GPR39: variants seen among roughly 807,000 people sequenced by gnomAD.
The protein encoded by GPR39 is G protein-coupled receptor 39.
GPR39 carries 23 observed loss-of-function variants against 18.4 expected under a neutral mutation model. The observed-to-expected ratio is 1.25, with a 90% CI of 0.90 to 1.77. The LOEUF (loss-of-function observed/expected upper bound fraction) is 1.77. GPR39 is among the 40% of genes most tolerant of loss of function. The probability of loss-of-function intolerance (pLI) is 0.00; values close to 1 mark genes in which losing one functional copy is unlikely to be tolerated. For synonymous variants in GPR39, 280 were observed against 257.9 expected, an observed-to-expected ratio of 1.09 and a Z score of -0.82; for missense variants, 647 against 602.4, an observed-to-expected ratio of 1.07 and a Z score of -0.78.
At chr2:132,501,030 G>T (rs557329858) in intron 1 of GPR39, among the ~76,000 whole-genome samples, 55 of 133,300 alleles carry the variant, frequency 4.1e-4, no homozygotes, top group African/African-American at 1.5e-3. Context: ...AAAGAACCAA[G>T]TTTTTGTTTC....
At position 132,645,605 on chromosome 2, in the gene GPR39, G is replaced by A. The variant is rs768929088; in HGVS notation, c.1361G>A (p.Ter454=). The change falls in exon 2 of 2, where the codon TGA becomes TAA. Residue 454 remains the stop codon, a stop_retained_variant. Coordinates refer to ENST00000329321, the MANE Select transcript of GPR39 (RefSeq NM_001508.3). ...AENGFQEHEV[*] ...AATGGTTTTCAGGAGCATGAAGTTT[G>A]AATGTCAAGCGAGGGAGCCTTGAGT... 8.7e-6 allele frequency: 14 copies of A among 1,609,174 alleles called. No homozygotes were observed. Among genetic ancestry groups the A allele is most frequent in the South Asian group, 5.5e-5 (5 of 90,540 alleles).
rs772076718 is a variant in GPR39, at chr2:132,646,321, G to T, written c.*715G>T. On this transcript the variant is annotated 3_prime_UTR_variant, in exon 2 of 2. Coordinates refer to ENST00000329321, the MANE Select transcript of GPR39 (RefSeq NM_001508.3). ...AAAGGAGCTGAGTTAACGTGCACCG[G>T]CAAAAGAATAGCTGTCCCTCTCAGC... The T allele has an allele frequency of 7.5e-7, 1 of 1,339,052 alleles. No individual in the cohort carries two copies. Among genetic ancestry groups the T allele is most frequent in the South Asian group, 1.9e-5 (1 of 53,586 alleles). 82.9% of individuals were successfully genotyped at this position (1,339,052 alleles called of 1,614,324 possible). A position where few individuals can be genotyped will look rare whatever the true frequency, so the allele number is the denominator to read the frequency against.
intron 1 of GPR39, among the ~76,000 whole-genome samples, chr2:132,509,446 A>C (rs1011182656): frequency 3.3e-4 from 16 of 48,700 alleles, no homozygotes; most frequent in Admixed American, 1.1e-3. Flanking sequence ...ACACTCACAC[A>C]CACAGACACT....
At chr2:132,427,229 A>G (rs1228557453) in intron 1 of GPR39, among the ~76,000 whole-genome samples, 1 of 145,328 alleles carries the variant, frequency 6.9e-6, no homozygotes, top group Non-Finnish European at 1.5e-5. Context: ...CAGTGGCACA[A>G]TCTCAGCTCA....
intron 1 of GPR39, among the ~76,000 whole-genome samples, chr2:132,424,013 A>G (rs889221655): frequency 3.9e-5 from 6 of 152,178 alleles, no homozygotes; most frequent in South Asian, 2.1e-4. Flanking sequence ...CAAAGATGCT[A>G]TCTTTGAAAG....
intron 1 of GPR39, among the ~76,000 whole-genome samples, chr2:132,626,974 C>G (rs552628234): frequency 1.2e-3 from 181 of 152,308 alleles, no homozygotes; most frequent in African/African-American, 4.1e-3. Context: ...TATGTCTTTG[C>G]CTTCCTGTGC....
At chr2:132,450,749 A>G (rs1197897024) in intron 1 of GPR39, among the ~76,000 whole-genome samples, 2 of 152,220 alleles carry the variant, frequency 1.3e-5, no homozygotes, top group African/African-American at 2.4e-5. Flanking sequence ...CTGCCAGCCA[A>G]CTGAGCTAAC....
At chr2:132,576,006 A>G (rs977875530) in intron 1 of GPR39, among the ~76,000 whole-genome samples, 1 of 152,154 alleles carries the variant, frequency 6.6e-6, no homozygotes, top group African/African-American at 2.4e-5. Context: ...ACTAGACACC[A>G]AATCTCTTGG....
chr2:132,559,193 A>G (rs547480402), intron 1 of GPR39, among the ~76,000 whole-genome samples: 171 of 152,342 alleles, frequency 1.1e-3, no homozygotes, highest in African/African-American at 4.0e-3. Context: ...ACTTAGGAAA[A>G]GAACTGACCG....
At chr2:132,506,975 T>A (rs1022079475) in intron 1 of GPR39, among the ~76,000 whole-genome samples, 4 of 152,088 alleles carry the variant, frequency 2.6e-5, no homozygotes, top group Non-Finnish European at 5.9e-5. Flanking sequence ...CTTTAATCTA[T>A]CTTGAGTTGA....
In GPR39 at chr2:132,560,401, C is replaced by T. The variant is rs182767872; in HGVS notation, c.857-84700C>T. ...TGAACCTGGGTCCCCTTCCACTGCT[C>T]TCCAGTCTCTCCCCATCCTCACACC... On this transcript the variant is annotated intron_variant, in intron 1 of 1. Coordinates refer to ENST00000329321, the MANE Select transcript of GPR39 (RefSeq NM_001508.3). Among the ~76,000 whole-genome samples, 315 of 152,300 alleles carry T rather than the reference C, an allele frequency of 2.1e-3. 1 individual carries two copies. The highest frequency in any genetic ancestry group is 3.7e-3 in the Non-Finnish European group (250 of 68,026).
intron 1 of GPR39, among the ~76,000 whole-genome samples, chr2:132,588,766 G>A (rs1472902186): frequency 6.6e-6 from 1 of 152,186 alleles, no homozygotes; most frequent in African/African-American, 2.4e-5. Flanking sequence ...ACTATCACAT[G>A]CTATTCATAG....
At chr2:132,494,595 CTGTTTTA>C (rs1681602851) in intron 1 of GPR39, among the ~76,000 whole-genome samples, 1 of 152,136 alleles carries the variant, frequency 6.6e-6, no homozygotes, top group African/African-American at 2.4e-5. Flanking sequence ...ACACTATGCC[CTGTTTTA>C]TGTTTCCCTC....
intron 1 of GPR39, among the ~76,000 whole-genome samples, chr2:132,501,961 G>A (rs759863623): frequency 5.3e-5 from 8 of 152,112 alleles, no homozygotes; most frequent in Non-Finnish European, 1.0e-4. Flanking sequence ...TTAAGTTGAT[G>A]TGAGTACTTA....
intron 1 of GPR39, among the ~76,000 whole-genome samples, chr2:132,431,983 A>C (rs10200766): frequency 0.21 from 32,569 of 152,000 alleles, 3,643 homozygotes; most frequent in African/African-American, 0.26. Context: ...CACTCTTTCA[A>C]CCTTCCAGTT....
chr2:132,606,133 A>G (rs1486830754), intron 1 of GPR39: 1 of 152,274 alleles, frequency 6.6e-6, no homozygotes, highest in Non-Finnish European at 1.5e-5. Flanking sequence ...AAGGACCTGC[A>G]AAATCATGAT....
At chr2:132,567,681 A>G (rs1441015106) in intron 1 of GPR39, among the ~76,000 whole-genome samples, 1 of 152,202 alleles carries the variant, frequency 6.6e-6, no homozygotes, top group African/African-American at 2.4e-5. Flanking sequence ...GAACTTTTTC[A>G]GGTATCTGAC....
intron 1 of GPR39, among the ~76,000 whole-genome samples, chr2:132,545,843 A>C (rs539645254): frequency 6.6e-6 from 1 of 152,198 alleles, no homozygotes; most frequent in Non-Finnish European, 1.5e-5. Context: ...AAACTGGTCC[A>C]AGACTAAGTT....
At chr2:132,579,657 G>A (rs900446737) in intron 1 of GPR39, among the ~76,000 whole-genome samples, 1 of 151,804 alleles carries the variant, frequency 6.6e-6, no homozygotes, top group Non-Finnish European at 1.5e-5. Flanking sequence ...ATTAGGAGAT[G>A]GTCTGCTAGA....
Sources: allele counts gnomAD v4.1 joint callset (sites outside exome capture counted in the v4.1 genomes callset), GRCh38; gene constraint gnomAD v4.1.1; transcripts MANE v1.5; gene names NCBI Gene and HGNC (gene_info 2026-07-23, HGNC 2026-07-21).